Variants in PCDHA8 observed in about 807,000 individuals in gnomAD.
PCDHA8 encodes the protein protocadherin alpha-8.
Under a neutral mutation model 61.8 loss-of-function variants are expected in PCDHA8, and 53 were observed. That is an observed-to-expected ratio of 0.86 (90% CI 0.69 to 1.08). The LOEUF is 1.08. PCDHA8 is among the 50% of genes least tolerant of loss of function. The pLI, the probability that PCDHA8 is intolerant of heterozygous loss-of-function variation, is 0.00. For synonymous variants in PCDHA8, 618 were observed against 556.6 expected (o/e 1.11, Z -1.55); for missense variants, 1,293 against 1,245.0 (o/e 1.04, Z -0.58).
intron 1 of PCDHA8, among the ~76,000 whole-genome samples, chr5:140,972,527 C>A (rs1173109086): frequency 6.6e-6 from 1 of 152,092 alleles, no homozygotes; most frequent in Non-Finnish European, 1.5e-5. Flanking sequence ...GAGCTTATTT[C>A]ATAAATCACT....
At chr5:140,847,743 C>T (rs2150239198) in intron 1 of PCDHA8, 1 of 149,792 alleles carries the variant, frequency 6.7e-6, no homozygotes, top group East Asian at 1.9e-4. Flanking sequence ...TATTTTCTCC[C>T]CACGCAACAC....
rs574481490 is a variant in PCDHA8, at chr5:140,841,710, C to T, written c.389C>T (p.Pro130Leu). 6.2e-7 allele frequency: 1 copy of T among 1,613,856 alleles called. No individual in the cohort carries two copies. Among genetic ancestry groups the T allele is most frequent in the South Asian group, 1.1e-5 (1 of 91,066 alleles). ...GAGGTGAAGGATGTTAATGACAACC[C>T]GCCAGTGTTCCGGGTAAAAGACCAA... ...DVEVKDVNDN[P>L]PVFRVKDQKL... Residue 130 changes from proline to leucine, a missense_variant, in exon 1 of 4, where the codon CCG becomes CTG. By Grantham distance (98) the Pro-to-Leu change is moderately conservative. Transcript: ENST00000531613.
At position 140,870,670 on chromosome 5, in the gene PCDHA8, G is replaced by A. The variant is rs782000668; in HGVS notation, c.2394+26955G>A. On this transcript the variant is annotated intron_variant, in intron 1 of 3. Coordinates refer to ENST00000531613, the MANE Select transcript of PCDHA8 (RefSeq NM_018911.3). Reference sequence around the variant, plus strand: ...CAAGGTGTACGCGCTGCAGCCGTTGGACCACGAGGAGCTGGAGCTGCTACA... The same window carrying A: ...CAAGGTGTACGCGCTGCAGCCGTTGAACCACGAGGAGCTGGAGCTGCTACA... The A allele has an allele frequency of 3.1e-6, 5 of 1,612,518 alleles. No individual in the cohort carries two copies. The East Asian group carries it at 1.1e-4, about 36-fold the overall frequency.
intron 1 of PCDHA8, among the ~76,000 whole-genome samples, chr5:140,915,232 C>A (rs1554196813): frequency 1.3e-5 from 2 of 152,274 alleles, no homozygotes; most frequent in Admixed American, 6.5e-5. Flanking sequence ...CAGGCATGAG[C>A]CACCATGCCT....
intron 3 of PCDHA8, among the ~76,000 whole-genome samples, chr5:140,985,145 G>A (rs2097138679): frequency 6.6e-6 from 1 of 152,080 alleles, no homozygotes; most frequent in South Asian, 2.1e-4. Context: ...CACCGTGTTA[G>A]CCAGGATTGT....
At chr5:140,875,028 G>A (rs1321534427) in intron 1 of PCDHA8, among the ~76,000 whole-genome samples, 1 of 152,198 alleles carries the variant, frequency 6.6e-6, no homozygotes, top group Admixed American at 6.5e-5. Flanking sequence ...CTGGCCTACT[G>A]TATTTGAAAG....
intron 1 of PCDHA8, among the ~76,000 whole-genome samples, chr5:140,943,803 G>A (rs1429767850): frequency 6.6e-6 from 1 of 152,214 alleles, no homozygotes; most frequent in Non-Finnish European, 1.5e-5. Flanking sequence ...AAGCAAAAGA[G>A]GAAAGTTTGA....
At chr5:140,962,207 A>G (rs1364251526) in intron 1 of PCDHA8, among the ~76,000 whole-genome samples, 13 of 152,236 alleles carry the variant, frequency 8.5e-5, no homozygotes, top group Admixed American at 3.3e-4. Flanking sequence ...CTATCTCCTT[A>G]TTGATCTTGA....
chr5:140,994,558 A>G (rs1414971844), intron 3 of PCDHA8, among the ~76,000 whole-genome samples: 4 of 151,948 alleles, frequency 2.6e-5, no homozygotes, highest in Non-Finnish European at 5.9e-5. Context: ...TATAAAAATT[A>G]GCCGGGTGTG....
At chr5:140,867,027 C>T (rs1043288554) in intron 1 of PCDHA8, 4 of 152,102 alleles carry the variant, frequency 2.6e-5, no homozygotes, top group Non-Finnish European at 5.9e-5. Context: ...ATATCAAACT[C>T]TTTTATGACT....
intron 1 of PCDHA8, among the ~76,000 whole-genome samples, chr5:140,917,128 C>T (rs2077898518): frequency 6.6e-6 from 1 of 152,044 alleles, no homozygotes; most frequent in Non-Finnish European, 1.5e-5. Flanking sequence ...GCAGACTCCC[C>T]ACGTTGCTCA....
intron 1 of PCDHA8, chr5:140,883,519 C>G: frequency 6.2e-7 from 1 of 1,614,190 alleles, no homozygotes; most frequent in South Asian, 1.1e-5. Context: ...ACCGCGAGAG[C>G]GTATCAGCCT....
intron 1 of PCDHA8, chr5:140,966,544 G>C: frequency 2.1e-6 from 1 of 465,718 alleles, no homozygotes; most frequent in Non-Finnish European, 3.7e-6. Flanking sequence ...GCGACTCGGA[G>C]GCGAGCGGAG....
intron 1 of PCDHA8, chr5:140,883,809 G>A (rs781801106): frequency 6.2e-7 from 1 of 1,612,420 alleles, no homozygotes; most frequent in East Asian, 2.2e-5. Context: ...CACGCGGAGA[G>A]CGGCAAGGTG....
chr5:140,929,722 T>G (rs558208996), intron 1 of PCDHA8: 1 of 221,696 alleles, frequency 4.5e-6, no homozygotes, highest in Non-Finnish European at 9.4e-6. Flanking sequence ...AGGTGAAACA[T>G]TTACTTAAAC....
chr5:140,870,472 C>G (rs782403878), intron 1 of PCDHA8: 4 of 1,614,240 alleles, frequency 2.5e-6, no homozygotes, highest in South Asian at 1.1e-5. Flanking sequence ...GTTCGCACAG[C>G]CCGAGTACAC....
At chr5:140,950,821 G>T (rs1361371532) in intron 1 of PCDHA8, among the ~76,000 whole-genome samples, 8 of 152,020 alleles carry the variant, frequency 5.3e-5, no homozygotes, top group Non-Finnish European at 4.4e-5. Context: ...TAGGGTTAAA[G>T]TTTGGTCCTT....
intron 1 of PCDHA8, chr5:140,858,086 C>T (rs1554151138): frequency 6.3e-7 from 1 of 1,597,802 alleles, no homozygotes; most frequent in Admixed American, 1.7e-5. Flanking sequence ...GGCCTCGTCG[C>T]GGGCTTCAGT....
chr5:140,928,770 C>A, intron 1 of PCDHA8: 4 of 1,614,106 alleles, frequency 2.5e-6, no homozygotes, highest in Non-Finnish European at 2.5e-6. Context: ...TAGTTCTTCC[C>A]ACTGATGCAG....
Sources: gnomAD v4.1 joint callset for allele counts (sites outside exome capture counted in the v4.1 genomes callset) on GRCh38, gnomAD v4.1.1 for gene constraint, MANE v1.5 for transcripts, NCBI Gene and HGNC (gene_info 2026-07-23, HGNC 2026-07-21) for gene names.